Variants in PLCL1 observed in about 807,000 individuals in gnomAD.
PLCL1 encodes inactive phospholipase C-like protein 1.
A neutral mutation model predicts 84.4 loss-of-function variants in PLCL1; 41 were observed. The ratio of observed to expected loss-of-function variants is 0.49; its 90% CI spans 0.38 to 0.63. The LOEUF is 0.63. PLCL1 is among the 30% of genes least tolerant of loss of function. The pLI, the probability that PLCL1 is intolerant of heterozygous loss-of-function variation, is 0.00. For synonymous variants in PLCL1, 490 were observed against 488.3 expected (o/e 1.00, Z -0.05); for missense variants, 1,206 against 1,367.8 (o/e 0.88, Z 1.87).
At chr2:197,818,415 G>A (rs1301059214) in intron 1 of PLCL1, among the ~76,000 whole-genome samples, 1 of 152,142 alleles carries the variant, frequency 6.6e-6, no homozygotes, top group Non-Finnish European at 1.5e-5. Flanking sequence ...TAGACTTGGA[G>A]GTTGGGGCGG....
chr2:198,051,485 A>G (rs1405977735), intron 1 of PLCL1, among the ~76,000 whole-genome samples: 1 of 152,174 alleles, frequency 6.6e-6, no homozygotes, highest in Non-Finnish European at 1.5e-5. Flanking sequence ...CTACTTGAAA[A>G]TTTATATTCT....
chr2:197,931,607 T>C (rs373412961), intron 1 of PLCL1, among the ~76,000 whole-genome samples: 3 of 149,988 alleles, frequency 2.0e-5, no homozygotes, highest in Non-Finnish European at 3.0e-5. Context: ...ATTCAAGAAA[T>C]AGACAGACCT....
At chr2:197,902,357 G>A (rs548668969) in intron 1 of PLCL1, among the ~76,000 whole-genome samples, 5 of 152,162 alleles carry the variant, frequency 3.3e-5, no homozygotes, top group African/African-American at 9.6e-5. Flanking sequence ...AGTGGTTTCC[G>A]GTCATTCATG....
chr2:198,029,715 C>CT (rs1311323834), intron 1 of PLCL1, among the ~76,000 whole-genome samples: 20 of 150,928 alleles, frequency 1.3e-4, no homozygotes, highest in South Asian at 2.1e-4. Flanking sequence ...TCTCTCTTCT[C>CT]TTTTTTTTTG....
At chr2:198,018,134 G>C (rs946200274) in intron 1 of PLCL1, among the ~76,000 whole-genome samples, 1 of 152,120 alleles carries the variant, frequency 6.6e-6, no homozygotes, top group African/African-American at 2.4e-5. Flanking sequence ...AAGGGGTTGG[G>C]GAACTCCCTT....
At chr2:197,835,190 A>C (rs1172292192) in intron 1 of PLCL1, among the ~76,000 whole-genome samples, 1 of 152,202 alleles carries the variant, frequency 6.6e-6, no homozygotes, top group South Asian at 2.1e-4. Context: ...AGAAATACCT[A>C]ATGTAGATGA....
chr2:197,827,994 T>C (rs1441824919), intron 1 of PLCL1, among the ~76,000 whole-genome samples: 1 of 152,178 alleles, frequency 6.6e-6, no homozygotes, highest in Non-Finnish European at 1.5e-5. Flanking sequence ...AAATATCATT[T>C]TGCTAACTTT....
At chr2:197,858,606 T>G (rs779806751) in intron 1 of PLCL1, among the ~76,000 whole-genome samples, 14 of 152,200 alleles carry the variant, frequency 9.2e-5, no homozygotes, top group Non-Finnish European at 1.8e-4. Context: ...TGGATAAATT[T>G]CATGCCTCAC....
At chr2:198,063,638 G>A (rs1404053834) in intron 1 of PLCL1, among the ~76,000 whole-genome samples, 2 of 152,134 alleles carry the variant, frequency 1.3e-5, no homozygotes, top group Admixed American at 6.5e-5. Context: ...TGTCAGTGAG[G>A]ATAAAATGAT....
At chr2:197,918,937 T>TCTCC (rs1491324298) in intron 1 of PLCL1, among the ~76,000 whole-genome samples, 1 of 100,696 alleles carries the variant, frequency 9.9e-6, no homozygotes, top group Non-Finnish European at 2.0e-5. Flanking sequence ...GGAGACCCTG[T>TCTCC]CTCTCTCTCT....
intron 3 of PLCL1, among the ~76,000 whole-genome samples, chr2:198,089,524 A>C (rs555787030): frequency 1.3e-5 from 2 of 152,300 alleles, no homozygotes; most frequent in East Asian, 3.9e-4. Flanking sequence ...CTCCAGCCAT[A>C]ATATCTGCAT....
intron 1 of PLCL1, among the ~76,000 whole-genome samples, chr2:197,890,524 A>G (rs1687994129): frequency 1.3e-5 from 2 of 152,000 alleles, no homozygotes; most frequent in African/African-American, 4.8e-5. Context: ...TAAAAAAGAT[A>G]TACATGCTTA....
chr2:198,097,734 C>T (rs1007451734), intron 3 of PLCL1, among the ~76,000 whole-genome samples: 1 of 152,170 alleles, frequency 6.6e-6, no homozygotes, highest in Admixed American at 6.5e-5. Flanking sequence ...TGTGCAAGTT[C>T]ACTTGTCCTG....
chr2:197,849,945 G>A (rs1191338352), intron 1 of PLCL1, among the ~76,000 whole-genome samples: 1 of 151,794 alleles, frequency 6.6e-6, no homozygotes, highest in African/African-American at 2.4e-5. Flanking sequence ...GTTGAAGCAT[G>A]TATCTGAAAT....
chr2:197,983,109 G>A (rs541022264), intron 1 of PLCL1, among the ~76,000 whole-genome samples: 2 of 147,974 alleles, frequency 1.4e-5, no homozygotes, highest in South Asian at 4.3e-4. Flanking sequence ...GTTATTATTT[G>A]CTTCAGGAAG....
chr2:197,920,047 A>C (rs1688674828), intron 1 of PLCL1, among the ~76,000 whole-genome samples: 1 of 152,154 alleles, frequency 6.6e-6, no homozygotes. Context: ...AAATGAAATA[A>C]GATCATATAT....
intron 1 of PLCL1, among the ~76,000 whole-genome samples, chr2:197,838,684 G>T (rs1482997595): frequency 6.6e-6 from 1 of 152,158 alleles, no homozygotes; most frequent in African/African-American, 2.4e-5. Flanking sequence ...ATTGAAATTT[G>T]ACTTTAAGAG....
At chr2:197,998,877 C>T (rs776184265) in intron 1 of PLCL1, among the ~76,000 whole-genome samples, 5 of 152,132 alleles carry the variant, frequency 3.3e-5, no homozygotes, top group Non-Finnish European at 7.4e-5. Flanking sequence ...TGGGTGGGAA[C>T]GGAACCCACC....
chr2:198,095,275 T>G (rs2105907523), intron 3 of PLCL1, among the ~76,000 whole-genome samples: 1 of 152,310 alleles, frequency 6.6e-6, no homozygotes, highest in Non-Finnish European at 1.5e-5. Flanking sequence ...ACTTCCCCAC[T>G]CTGGATTTTT....
Sources: gnomAD v4.1 joint callset for allele counts (sites outside exome capture counted in the v4.1 genomes callset) on GRCh38, gnomAD v4.1.1 for gene constraint, MANE v1.5 for transcripts, NCBI Gene and HGNC (gene_info 2026-07-23, HGNC 2026-07-21) for gene names.